The following PASD1 variants were observed in gnomAD, a reference collection of about 807,000 sequenced individuals.
PASD1 encodes circadian clock protein PASD1.
A neutral mutation model predicts 58.8 loss-of-function variants in PASD1; 13 were observed. The ratio of observed to expected loss-of-function variants is 0.22; its 90% confidence interval spans 0.14 to 0.35. The LOEUF (loss-of-function observed/expected upper bound fraction) is 0.35. Among genes scored for constraint, PASD1 ranks in the 10% least tolerant of loss-of-function variants. PASD1 has a pLI of 1.00. For synonymous variants in PASD1, 236 were observed against 216.7 expected, an observed-to-expected ratio of 1.09 and a Z score of -0.78; for missense variants, 734 against 568.3, an observed-to-expected ratio of 1.29 and a Z score of -2.96.
At chrX:151,583,511 G>A (rs142514915) in intron 1 of PASD1, among the ~76,000 whole-genome samples, 7 of 111,802 alleles carry the variant, frequency 6.3e-5, no homozygotes, top group East Asian at 2.8e-4. Flanking sequence ...AAGTCCCAGC[G>A]TAGTTTTTTT....
intron 4 of PASD1, among the ~76,000 whole-genome samples, chrX:151,614,635 C>T (rs1448683035): frequency 8.9e-6 from 1 of 112,309 alleles, no homozygotes; most frequent in Non-Finnish European, 1.9e-5. Context: ...ACATATTCCT[C>T]ATTCCACAGA....
chrX:151,662,878 A>AT (rs780823161), intron 10 of PASD1, among the ~76,000 whole-genome samples: 11 of 111,336 alleles, frequency 9.9e-5, no homozygotes, highest in South Asian at 7.4e-4. Flanking sequence ...TTGTGTGTGC[A>AT]TTTTTTTTGT....
rs750528013 is a variant in PASD1 at position 151,627,798 on chromosome X, T to C, written c.629+2268T>C. Among the ~76,000 whole-genome samples, 7 of 112,157 alleles carry C rather than the reference T, an allele frequency of 6.2e-5. No homozygotes were observed. In the South Asian group the frequency reaches 2.7e-3, roughly 43 times the overall value. Reference sequence around the variant, plus strand: ...TTGCCACACTGTCTTCCACAATGGTTGAACTAGTTCACAGTCCCACCGACA... The same window carrying C: ...TTGCCACACTGTCTTCCACAATGGTCGAACTAGTTCACAGTCCCACCGACA... On this transcript the variant is annotated intron_variant, in intron 8 of 15. Coordinates refer to ENST00000370357, the MANE Select transcript of PASD1 (RefSeq NM_173493.3).
At chrX:151,609,090 T>C (rs2013520949) in intron 3 of PASD1, among the ~76,000 whole-genome samples, 1 of 111,587 alleles carries the variant, frequency 9.0e-6, no homozygotes, top group Non-Finnish European at 1.9e-5. Flanking sequence ...TTCTACTTTT[T>C]GGGGTTCATT....
chrX:151,594,322 C>T (rs951303807), intron 1 of PASD1, among the ~76,000 whole-genome samples: 3 of 111,963 alleles, frequency 2.7e-5, no homozygotes, highest in African/African-American at 9.7e-5. Context: ...TACCATCTTA[C>T]TATATGTTTT....
At chrX:151,631,611 G>C (rs1323130370) in intron 8 of PASD1, among the ~76,000 whole-genome samples, 2 of 111,419 alleles carry the variant, frequency 1.8e-5, no homozygotes. Context: ...TGTTACCTGT[G>C]CTTGCAAAGT....
intron 1 of PASD1, among the ~76,000 whole-genome samples, chrX:151,600,327 GA>G (rs2013398778): frequency 9.1e-6 from 1 of 109,459 alleles, no homozygotes; most frequent in Admixed American, 9.7e-5. Flanking sequence ...GGGGGAGGGG[GA>G]GGGGGAGAGA....
intron 1 of PASD1, among the ~76,000 whole-genome samples, chrX:151,565,559 T>C (rs1384534401): frequency 0.014 from 505 of 36,589 alleles, 1 homozygote; most frequent in African/African-American, 0.066. Flanking sequence ...TTTTCCTTAC[T>C]TTTTTTTTTT....
At chrX:151,565,308 T>C (rs757937552) in intron 1 of PASD1, among the ~76,000 whole-genome samples, 1 of 112,286 alleles carries the variant, frequency 8.9e-6, no homozygotes, top group Non-Finnish European at 1.9e-5. Context: ...CTCATGACTT[T>C]GAAAGTATTC....
intron 8 of PASD1, among the ~76,000 whole-genome samples, chrX:151,628,122 T>C (rs1416779060): frequency 9.0e-6 from 1 of 110,973 alleles, no homozygotes; most frequent in Non-Finnish European, 1.9e-5. Context: ...GTCAGATGAG[T>C]AGATTGCAAA....
intron 8 of PASD1, among the ~76,000 whole-genome samples, chrX:151,640,298 G>A (rs901737988): frequency 2.7e-5 from 3 of 112,241 alleles, no homozygotes; most frequent in Non-Finnish European, 5.6e-5. Flanking sequence ...TTGTTTCATT[G>A]AAGTGAAAGC....
At chrX:151,577,711 A>G (rs1047216491) in intron 1 of PASD1, among the ~76,000 whole-genome samples, 2 of 111,297 alleles carry the variant, frequency 1.8e-5, no homozygotes, top group Admixed American at 1.9e-4. Flanking sequence ...TATTTTTAGT[A>G]GAGACGGGGT....
At chrX:151,572,001 G>A (rs773618172) in intron 1 of PASD1, among the ~76,000 whole-genome samples, 1 of 110,838 alleles carries the variant, frequency 9.0e-6, no homozygotes, top group South Asian at 3.8e-4. Context: ...GTTTGATCTT[G>A]TGAGTCAATT....
At chrX:151,613,425 C>A (rs1356254168) in intron 4 of PASD1, among the ~76,000 whole-genome samples, 1 of 107,764 alleles carries the variant, frequency 9.3e-6, no homozygotes, top group African/African-American at 3.4e-5. Context: ...GCCATTTTCA[C>A]GATATTGATT....
chrX:151,578,898 G>GAATATATT (rs1375836236), intron 1 of PASD1, among the ~76,000 whole-genome samples: 1 of 112,042 alleles, frequency 8.9e-6, no homozygotes, highest in Non-Finnish European at 1.9e-5. Context: ...TTAAAGAAAA[G>GAATATATT]AGTTTTAGAA....
intron 1 of PASD1, among the ~76,000 whole-genome samples, chrX:151,568,584 TAATG>T (rs2012881534): frequency 8.9e-6 from 1 of 112,452 alleles, no homozygotes; most frequent in Non-Finnish European, 1.9e-5. Context: ...TATTTAACCA[TAATG>T]TATGTATGCA....
chrX:151,659,773 G>T lies in PASD1; in HGVS notation c.778G>T (p.Val260Leu). The T allele has an allele frequency of 1.7e-6, 2 of 1,202,505 alleles. No homozygotes were observed. The change falls in exon 10 of 16, where the codon GTA (valine) becomes TTA (leucine). Residue 260 changes from valine to leucine, a missense_variant. Transcript: ENST00000370357. ...ACCACAAGAAAACGTTCACATGTTT[G>T]TAGATTCTGATTCAACTTATTGCTC... ...YGPQENVHMFVDSDSTYCSST... is the reference protein window; with the variant it reads ...YGPQENVHMFLDSDSTYCSST...
intron 1 of PASD1, among the ~76,000 whole-genome samples, chrX:151,587,558 C>T (rs998778750): frequency 1.2e-4 from 13 of 107,630 alleles, no homozygotes; most frequent in Non-Finnish European, 5.8e-5. Context: ...TGTGTGTGTG[C>T]GTGCTTCCGT....
chrX:151,610,201 T>A (rs2013538593), intron 3 of PASD1, among the ~76,000 whole-genome samples: 1 of 111,531 alleles, frequency 9.0e-6, no homozygotes, highest in South Asian at 3.8e-4. Context: ...ACTTTCTGAT[T>A]CTCTTCTCCA....
Sources: gnomAD v4.1 joint callset for allele counts (sites outside exome capture counted in the v4.1 genomes callset) on GRCh38, gnomAD v4.1.1 for gene constraint, MANE v1.5 for transcripts, NCBI Gene and HGNC (gene_info 2026-07-23, HGNC 2026-07-21) for gene names.